The following NCAPD2 variants were observed in gnomAD, a reference collection of about 807,000 sequenced individuals.
NCAPD2 encodes non-SMC condensin I complex subunit D2.
A neutral mutation model predicts 164.5 loss-of-function variants in NCAPD2; 100 were observed. The observed-to-expected ratio is 0.61, with a 90% confidence interval of 0.52 to 0.72. NCAPD2 has a LOEUF of 0.72. Among genes scored for constraint, NCAPD2 ranks in the 30% least tolerant of loss-of-function variants. The probability of loss-of-function intolerance (pLI) is 0.00; values close to 1 mark genes in which losing one functional copy is unlikely to be tolerated. For synonymous variants in NCAPD2, 585 were observed against 642.6 expected, an observed-to-expected ratio of 0.91 and a Z score of 1.36; for missense variants, 1,560 against 1,749.2, an observed-to-expected ratio of 0.89 and a Z score of 1.93.
intron 9 of NCAPD2, among the ~76,000 whole-genome samples, chr12:6,516,361 G>A (rs1285028800): frequency 2.6e-5 from 4 of 152,080 alleles, no homozygotes; most frequent in Non-Finnish European, 5.9e-5. Context: ...AATTAGCTGG[G>A]TGTGGTGGCG....
intron 2 of NCAPD2, among the ~76,000 whole-genome samples, chr12:6,497,503 A>G (rs1945995102): frequency 6.6e-6 from 1 of 151,678 alleles, no homozygotes; most frequent in Admixed American, 6.6e-5. Flanking sequence ...CCCTGTGTCC[A>G]TGTGATCTCA....
In NCAPD2 at chr12:6,511,096, A is replaced by C. The variant is rs769809532; in HGVS notation, c.445-14A>C. 6 of 1,613,356 alleles carry C rather than the reference A, an allele frequency of 3.7e-6. No homozygotes were observed. The South Asian group carries it at 5.5e-5, about 15-fold the overall frequency. On this transcript the variant is annotated splice_polypyrimidine_tract_variant and intron_variant, in intron 5 of 31. Transcript: ENST00000315579. Reference sequence around the variant, plus strand: ...CCCTTATTTTTTCCTCAATGTATACATGATCCTTTTTAGGGTAAGAAAGCT... The same window carrying C: ...CCCTTATTTTTTCCTCAATGTATACCTGATCCTTTTTAGGGTAAGAAAGCT...
At chr12:6,495,617 T>G (rs1345526758) in intron 2 of NCAPD2, among the ~76,000 whole-genome samples, 1 of 152,178 alleles carries the variant, frequency 6.6e-6, no homozygotes. Context: ...TTTTTGGATG[T>G]GCAATTATGG....
chr12:6,504,410 T>G (rs937276894), intron 2 of NCAPD2, among the ~76,000 whole-genome samples: 1 of 151,650 alleles, frequency 6.6e-6, no homozygotes, highest in Non-Finnish European at 1.5e-5. Flanking sequence ...TTGTTTTGTT[T>G]TTGACAGAGT....
In NCAPD2 at chr12:6,517,949, G is replaced by A. The variant is rs748489930; in HGVS notation, c.1579G>A (p.Ala527Thr). The part of the protein sequence containing the change: ...KGRIYQLLAK[A>T]SYKKAIILTR... ...ACGCATCTATCAACTGCTTGCCAAA[G>A]CTAGTTACAAGTAGGCAAAAGAATG... Residue 527 changes from alanine (A) to threonine (T), a missense_variant, in exon 13 of 32, where the codon GCT becomes ACT. Transcript: ENST00000315579. The A allele has an allele frequency of 3.1e-6, 5 of 1,613,656 alleles. No individual in the cohort carries two copies. The highest frequency in any genetic ancestry group is 4.2e-6 in the Non-Finnish European group (5 of 1,179,984).
intron 9 of NCAPD2, among the ~76,000 whole-genome samples, chr12:6,515,278 G>A (rs143472573): frequency 1.3e-5 from 2 of 151,902 alleles, no homozygotes; most frequent in African/African-American, 4.8e-5. Context: ...TCGATCTCCT[G>A]GGCTCAAGCA....
intron 14 of NCAPD2, 145 bp from the exon 15 acceptor site, chr12:6,521,653 C>T (rs934089203): frequency 9.6e-7 from 1 of 1,045,858 alleles, no homozygotes; most frequent in South Asian, 1.6e-5. Context: ...ATTGCCACTG[C>T]ACAGCCTAGG....
intron 10 of NCAPD2, 116 bp downstream of exon 10, chr12:6,517,141 A>T: frequency 7.5e-7 from 1 of 1,334,566 alleles, no homozygotes. Flanking sequence ...TCACATTTTT[A>T]TTATCAGTAG....
chr12:6,528,304 C>G lies in NCAPD2; in HGVS notation c.3275C>G (p.Pro1092Arg). The G allele has an allele frequency of 1.9e-6, 3 of 1,613,790 alleles. No individual in the cohort carries two copies. Among genetic ancestry groups the G allele is most frequent in the Non-Finnish European group, 2.5e-6 (3 of 1,180,042 alleles). ...ATCCGCTTTCCCAATCTGGTGGACC[C>G]CTGGACTCCTCATCTGTATGCTCGG... ...LAIRFPNLVD[P>R]WTPHLYARLR... Residue 1092 changes from proline (P) to arginine (R), a missense_variant, in exon 25 of 32, where the codon CCC becomes CGC. Pro to Arg is a moderately radical substitution (Grantham distance 103). Transcript: ENST00000315579. The surrounding 1 kb of genome is among the most constrained non-coding windows in gnomAD (Gnocchi z 5.1).
chr12:6,514,567 C>CATAGTGGG lies in NCAPD2; in HGVS notation c.821_828dup (p.Glu277Ter), dbSNP rs756547882. ...GGGCAACTGACTATGGAATGAAGAG[C>CATAGTGGG]ATAGTGGGAGAGATTGTAAGGTGAC... On this transcript the variant is annotated frameshift_variant, in exon 8 of 32. Transcript: ENST00000315579. LOFTEE classifies it high-confidence loss of function. The CATAGTGGG allele has an allele frequency of 2.5e-6, 4 of 1,614,048 alleles. No individual in the cohort carries two copies. The highest frequency in any genetic ancestry group is 3.4e-6 in the Non-Finnish European group (4 of 1,180,044).
At position 6,528,135 on chromosome 12, in the gene NCAPD2, T is replaced by C; in HGVS notation, c.3144-38T>C. The C allele has an allele frequency of 2.5e-6, 4 of 1,614,226 alleles. No homozygotes were observed. The highest frequency in any genetic ancestry group is 3.4e-6 in the Non-Finnish European group (4 of 1,180,040). ...ACCCCCTTCTCAAGGAAGATGGGGA[T>C]GAAATGGCTTCCCTAATGATCCTCT... On this transcript the variant is annotated intron_variant, in intron 24 of 31. Coordinates refer to ENST00000315579, the MANE Select transcript of NCAPD2 (RefSeq NM_014865.4). This position sits in a 1 kb window ranked among gnomAD's most constrained non-coding sequence, Gnocchi z 5.1.
Position 6,526,473 on chromosome 12 carries a change from G to A in NCAPD2, c.2592G>A (p.Trp864Ter), listed in dbSNP as rs753674713. 1.2e-6 allele frequency: 2 copies of A among 1,614,094 alleles called. No homozygotes were observed. Among genetic ancestry groups the A allele is most frequent in the South Asian group, 1.1e-5 (1 of 91,058 alleles). The stretch of plus-strand genomic sequence containing the variant: ...GCTTTGTCCACCCAGACCCACTCTG[G>A]ATCCCATTCAAAGAGGTGGCAGTGA... ...TKGFVHPDPLWIPFKEVAVTL... is the reference protein window; with the variant it reads ...TKGFVHPDPL Residue 864 changes from tryptophan to a stop codon, truncating the protein, a stop_gained, in exon 21 of 32, where the codon TGG becomes TGA. Transcript: ENST00000315579. LOFTEE classifies it high-confidence loss of function.
At chr12:6,523,394 G>GTTTT in intron 17 of NCAPD2, 48 bp downstream of exon 17, 6 of 1,038,446 alleles carry the variant, frequency 5.8e-6, no homozygotes, top group Non-Finnish European at 8.0e-6. Flanking sequence ...CAAGTATTTT[G>GTTTT]GTTGTTTTTT....
At chr12:6,501,042 G>T (rs888074019) in intron 2 of NCAPD2, among the ~76,000 whole-genome samples, 2 of 147,976 alleles carry the variant, frequency 1.4e-5, no homozygotes, top group Non-Finnish European at 3.0e-5. Context: ...TCTGAGATGA[G>T]AATGATTACA....
rs925254412 is a variant in NCAPD2 at position 6,527,134 on chromosome 12, C to A, written c.2907+71C>A. 2.2e-5 allele frequency: 32 copies of A among 1,445,636 alleles called. No individual in the cohort carries two copies. The East Asian group carries it at 2.9e-4, about 13-fold the overall frequency. The allele number at this position is 1,445,636 out of a possible 1,614,324, so 89.6% of individuals were successfully genotyped here. On this transcript the variant is annotated intron_variant, in intron 22 of 31. Transcript: ENST00000315579. ...GCTCAGAACTGAGCTGATCCCCTTC[C>A]GGCAATCTCTGCTCCTCTGCTATTA... is the stretch of plus-strand genomic sequence containing the variant.
chr12:6,495,835 C>G (rs1207368511), intron 2 of NCAPD2, among the ~76,000 whole-genome samples: 1 of 152,144 alleles, frequency 6.6e-6, no homozygotes, highest in Non-Finnish European at 1.5e-5. Flanking sequence ...GCCAGGCTGC[C>G]TGGATTTGAA....
intron 1 of NCAPD2, among the ~76,000 whole-genome samples, chr12:6,494,530 AATC>A (rs760748542): frequency 3.3e-5 from 5 of 152,202 alleles, no homozygotes; most frequent in Non-Finnish European, 5.9e-5. Context: ...AGGATAAATA[AATC>A]ATCATTGTTA....
chr12:6,531,527 C>A lies in NCAPD2; in HGVS notation c.*115C>A. ...TCTTTTTTTTAAAAAAAAAAAAGGC[C>A]GGGCACTGTGGCTCACGCCTGTAAT... On this transcript the variant is annotated 3_prime_UTR_variant, in exon 32 of 32. Transcript: ENST00000315579. The surrounding 1 kb of genome is among the most constrained non-coding windows in gnomAD (Gnocchi z 4.1). 6.7e-7 allele frequency: 1 copy of A among 1,497,530 alleles called. No individual in the cohort carries two copies. Among genetic ancestry groups the A allele is most frequent in the South Asian group, 1.2e-5 (1 of 81,462 alleles). 92.8% of individuals were successfully genotyped at this position (1,497,530 alleles called of 1,614,324 possible).
intron 2 of NCAPD2, among the ~76,000 whole-genome samples, chr12:6,506,199 C>A (rs59010697): frequency 6.6e-6 from 1 of 152,238 alleles, no homozygotes; most frequent in African/African-American, 2.4e-5. Flanking sequence ...CTCAAGTGAT[C>A]CTCCTGCCTC....
Sources: gnomAD v4.1 joint callset for allele counts (sites outside exome capture counted in the v4.1 genomes callset) on GRCh38, gnomAD v4.1.1 for gene constraint, Gnocchi (gnomAD v3.1) non-coding constraint, MANE v1.5 for transcripts, NCBI Gene and HGNC (gene_info 2026-07-23, HGNC 2026-07-21) for gene names.